PHACTR1: variants seen among roughly 807,000 people sequenced by gnomAD.
The protein encoded by PHACTR1 is RPEL repeat containing 1.
A neutral mutation model predicts 69.2 loss-of-function variants in PHACTR1; 16 were observed. The ratio of observed to expected loss-of-function variants is 0.23; its 90% CI spans 0.16 to 0.35. The LOEUF (loss-of-function observed/expected upper bound fraction) is 0.35, where lower values mean the gene tolerates loss of function less well. PHACTR1 is among the 10% of genes least tolerant of loss of function. The pLI, the probability that PHACTR1 is intolerant of heterozygous loss-of-function variation, is 1.00. For missense variants in PHACTR1, 510 were observed against 734.7 expected (o/e 0.69, Z 3.54); for synonymous variants, 312 against 284.5 (o/e 1.10, Z -0.97).
At chr6:12,747,061 G>A (rs1765868728) in intron 3 of PHACTR1, among the ~76,000 whole-genome samples, 1 of 152,134 alleles carries the variant, frequency 6.6e-6, no homozygotes, top group Non-Finnish European at 1.5e-5. Context: ...GAGCCATATA[G>A]GACTCCGCTG....
chr6:12,736,859 C>G (rs1445532795), intron 3 of PHACTR1, among the ~76,000 whole-genome samples: 1 of 152,080 alleles, frequency 6.6e-6, no homozygotes, highest in Non-Finnish European at 1.5e-5. Context: ...TAACGTTTTA[C>G]TCCATTTGCT....
rs900787502 is a variant in PHACTR1 at position 12,991,825 on chromosome 6, G to A, written c.251-61540G>A. On this transcript the variant is annotated intron_variant, in intron 4 of 14. Transcript: ENST00000332995. ...TCTAAACACACTTTATTTAAAGCTTGCTCAAGACCTCAAATAATGAAAATA... is the reference window on the plus strand; with the variant it reads ...TCTAAACACACTTTATTTAAAGCTTACTCAAGACCTCAAATAATGAAAATA... 4.6e-5 allele frequency among the ~76,000 whole-genome samples: 7 copies of A among 152,180 alleles called. No homozygotes were observed. The South Asian group carries it at 6.2e-4, about 14-fold the overall frequency.
intron 4 of PHACTR1, among the ~76,000 whole-genome samples, chr6:12,757,816 T>TA (rs1391261832): frequency 6.6e-6 from 1 of 152,060 alleles, no homozygotes; most frequent in Non-Finnish European, 1.5e-5. Context: ...TGGCTACATT[T>TA]AAAAAGCAGT....
chr6:12,745,130 G>A (rs1047434563), intron 3 of PHACTR1, among the ~76,000 whole-genome samples: 1 of 152,082 alleles, frequency 6.6e-6, no homozygotes, highest in South Asian at 2.1e-4. Context: ...AAAGGGTAAG[G>A]TTTACTTACT....
At chr6:13,026,505 CA>C (rs1461274828) in intron 4 of PHACTR1, among the ~76,000 whole-genome samples, 1 of 152,024 alleles carries the variant, frequency 6.6e-6, no homozygotes, top group African/African-American at 2.4e-5. Flanking sequence ...TTTTCACAAA[CA>C]AAAAACACAG....
intron 4 of PHACTR1, among the ~76,000 whole-genome samples, chr6:12,958,327 T>C (rs1792164315): frequency 6.6e-6 from 1 of 152,226 alleles, no homozygotes; most frequent in Non-Finnish European, 1.5e-5. Context: ...GGAGTCCTGG[T>C]GCCTGCTGAG....
intron 11 of PHACTR1, 40 bp from the exon 12 acceptor site, chr6:13,278,228 G>A: frequency 3.9e-6 from 6 of 1,546,586 alleles, no homozygotes; most frequent in Non-Finnish European, 5.3e-6. Context: ...ACACAACACT[G>A]TTTACTGAAA....
chr6:13,062,317 C>A (rs908717247), intron 5 of PHACTR1, among the ~76,000 whole-genome samples: 20 of 152,172 alleles, frequency 1.3e-4, no homozygotes, highest in African/African-American at 4.6e-4. Flanking sequence ...ATCCTGAAAT[C>A]CCCCAATCAA....
chr6:12,718,772 C>CTGGATGTAGAGTCTGCTCACAGACTCT lies in PHACTR1; in HGVS notation c.36_62dup (p.His16_Ala24dup). On this transcript the variant is annotated inframe_insertion, in exon 3 of 15. Coordinates refer to ENST00000332995, the MANE Select transcript of PHACTR1 (RefSeq NM_030948.6). ...GGATTATCCCAAAATGGATTATTTT[C>CTGGATGTAGAGTCTGCTCACAGACTCT]TGGATGTAGAGTCTGCTCACAGACT... 1 of 1,562,402 alleles carries CTGGATGTAGAGTCTGCTCACAGACTCT rather than the reference C, an allele frequency of 6.4e-7. No individual in the cohort carries two copies. Among genetic ancestry groups the CTGGATGTAGAGTCTGCTCACAGACTCT allele is most frequent in the South Asian group, 1.2e-5 (1 of 84,082 alleles).
chr6:13,013,818 G>A (rs1799754218), intron 4 of PHACTR1, among the ~76,000 whole-genome samples: 1 of 148,646 alleles, frequency 6.7e-6, no homozygotes, highest in African/African-American at 2.5e-5. Context: ...ATGCTGGCGA[G>A]GCCGAGGGGC....
chr6:12,957,530 T>C (rs960806949), intron 4 of PHACTR1: 2 of 985,458 alleles, frequency 2.0e-6, no homozygotes, highest in Non-Finnish European at 2.4e-6. Context: ...TTCTAAGGAC[T>C]GGGGCTCTGT....
intron 7 of PHACTR1, among the ~76,000 whole-genome samples, chr6:13,197,142 G>A (rs1764550566): frequency 6.6e-6 from 1 of 152,236 alleles, no homozygotes; most frequent in Non-Finnish European, 1.5e-5. Context: ...AATGTATTAT[G>A]ATGTTTGTCT....
intron 4 of PHACTR1, among the ~76,000 whole-genome samples, chr6:13,039,608 C>T (rs1442565406): frequency 6.6e-6 from 1 of 152,184 alleles, no homozygotes; most frequent in Non-Finnish European, 1.5e-5. Flanking sequence ...GATTGCAGCT[C>T]ATGTCATTAA....
chr6:12,729,792 A>C (rs1763257318), intron 3 of PHACTR1, among the ~76,000 whole-genome samples: 1 of 152,228 alleles, frequency 6.6e-6, no homozygotes, highest in Non-Finnish European at 1.5e-5. Flanking sequence ...AGAAAGCCTA[A>C]AGAGGGAACT....
At chr6:12,814,807 C>T (rs998006837) in intron 4 of PHACTR1, among the ~76,000 whole-genome samples, 5 of 152,194 alleles carry the variant, frequency 3.3e-5, no homozygotes, top group Admixed American at 2.6e-4. Context: ...ATTAATCCCC[C>T]ACCATTAGTG....
At chr6:12,759,676 A>T (rs1767813829) in intron 4 of PHACTR1, among the ~76,000 whole-genome samples, 1 of 152,146 alleles carries the variant, frequency 6.6e-6, no homozygotes, top group East Asian at 1.9e-4. Context: ...CAACCCATGG[A>T]TTATATTTGT....
intron 5 of PHACTR1, among the ~76,000 whole-genome samples, chr6:13,120,558 C>T (rs986503287): frequency 3.4e-4 from 51 of 152,072 alleles, no homozygotes; most frequent in African/African-American, 1.2e-3. Flanking sequence ...TAGAGGAGGC[C>T]GAAGGTGGGG....
intron 8 of PHACTR1, among the ~76,000 whole-genome samples, chr6:13,210,184 A>G (rs990593037): frequency 4.0e-5 from 6 of 151,422 alleles, no homozygotes; most frequent in South Asian, 2.1e-4. Context: ...ATTTTTTTTT[A>G]TTATAGTTTT....
At chr6:12,880,566 A>G (rs1395718269) in intron 4 of PHACTR1, among the ~76,000 whole-genome samples, 2 of 152,190 alleles carry the variant, frequency 1.3e-5, no homozygotes, top group Non-Finnish European at 2.9e-5. Flanking sequence ...TAGAATTCAT[A>G]CTTTTAACCA....
Sources: gnomAD v4.1 joint callset for allele counts (sites outside exome capture counted in the v4.1 genomes callset) on GRCh38, gnomAD v4.1.1 for gene constraint, MANE v1.5 for transcripts, NCBI Gene and HGNC (gene_info 2026-07-23, HGNC 2026-07-21) for gene names.